The following PPM1K variants were observed in gnomAD, a reference collection of about 807,000 sequenced individuals.
The protein encoded by PPM1K is protein phosphatase Mn(2+)-dependent 1K.
Under a neutral mutation model 32.6 loss-of-function variants are expected in PPM1K, and 19 were observed. The ratio of observed to expected loss-of-function variants is 0.58; its 90% CI spans 0.41 to 0.86. PPM1K has a LOEUF of 0.86. Ranked by LOEUF, PPM1K falls within the 40% of genes least tolerant of loss-of-function variation. The pLI is 0.00. For missense variants in PPM1K, 362 were observed against 461.2 expected, an observed-to-expected ratio of 0.78 and a Z score of 1.97; for synonymous variants, 159 against 165.3, an observed-to-expected ratio of 0.96 and a Z score of 0.29.
rs1410004174 is a variant in PPM1K, at chr4:88,269,024, A to G, written c.542-118T>C. On this transcript the variant is annotated intron_variant, in intron 3 of 6. Transcript: ENST00000608933. ...AACTAATGCTGGAATATATCATTCT[A>G]ATTTAACTAGAGCTAAGCAAATAAA... The G allele has an allele frequency of 4.6e-5, 39 of 843,824 alleles. No individual in the cohort carries two copies. The East Asian group carries it at 1.0e-3, about 22-fold the overall frequency. The allele number at this position is 843,824 out of a possible 1,614,324, so 52.3% of individuals were successfully genotyped here.
At chr4:88,283,921 C>G (rs1732123656) in intron 1 of PPM1K, 1 of 152,384 alleles carries the variant, frequency 6.6e-6, no homozygotes, top group Non-Finnish European at 1.5e-5. Context: ...GCCGCCAGGT[C>G]TCCGCCTCCC....
At chr4:88,268,423 C>A (rs1212374633) in intron 4 of PPM1K, 89 bp from the exon 5 acceptor site, 10 of 1,443,178 alleles carry the variant, frequency 6.9e-6, no homozygotes, top group East Asian at 6.9e-5. Flanking sequence ...GAGATCGAGA[C>A]CATCCTGGCT....
At chr4:88,263,797 C>T (rs183657650) in intron 6 of PPM1K, among the ~76,000 whole-genome samples, 5 of 152,166 alleles carry the variant, frequency 3.3e-5, no homozygotes, top group Non-Finnish European at 5.9e-5. Context: ...CATCCTCCCT[C>T]ATAGCTGGGA....
At position 88,276,665 on chromosome 4, in the gene PPM1K, T is replaced by C. The variant is rs1250832624; in HGVS notation, c.541+478A>G. 4 of 985,156 alleles carry C rather than the reference T, an allele frequency of 4.1e-6. No homozygotes were observed. In the East Asian group the frequency reaches 4.5e-4, roughly 112 times the overall value. The allele number at this position is 985,156 out of a possible 1,614,324, so 61.0% of individuals were successfully genotyped here. On this transcript the variant is annotated intron_variant, in intron 3 of 6. Coordinates refer to ENST00000608933, the MANE Select transcript of PPM1K (RefSeq NM_152542.5). ...TATACAAATTAGTGCATATTAACCA[T>C]TGTCTTTTTCTATTTAGGACCTATT...
chr4:88,272,912 G>A (rs1266009643), intron 3 of PPM1K, among the ~76,000 whole-genome samples: 1 of 152,132 alleles, frequency 6.6e-6, no homozygotes, highest in East Asian at 1.9e-4. Context: ...AGGACATGCT[G>A]CGTCTGTGGT....
chr4:88,275,418 A>G lies in PPM1K; in HGVS notation c.541+1725T>C, dbSNP rs941091885. 3 of 983,856 alleles carry G rather than the reference A, an allele frequency of 3.0e-6. No individual in the cohort carries two copies. The African/African-American group carries it at 5.2e-5, about 17-fold the overall frequency. The allele number at this position is 983,856 out of a possible 1,614,324, so 60.9% of individuals were successfully genotyped here. ...GATAGGCAAGTTAATTAAATTCTTT[A>G]AGTTCAAAATTCTGTTGAGTTATAC... On this transcript the variant is annotated intron_variant, in intron 3 of 6. Transcript: ENST00000608933.
intron 3 of PPM1K, among the ~76,000 whole-genome samples, 197 bp from the exon 4 acceptor site, chr4:88,269,103 G>C (rs987633815): frequency 6.6e-6 from 1 of 152,222 alleles, no homozygotes; most frequent in Admixed American, 6.5e-5. Context: ...ATTTAATTCA[G>C]TAACAAGTCT....
In PPM1K at chr4:88,266,817, T is replaced by C. The variant is rs992964085; in HGVS notation, c.852+1373A>G. Among the ~76,000 whole-genome samples, 36 of 149,104 alleles carry C rather than the reference T, an allele frequency of 2.4e-4. 1 individual carries two copies. Among genetic ancestry groups the C allele is most frequent in the Admixed American group, 1.2e-3 (18 of 14,990 alleles). On this transcript the variant is annotated intron_variant, in intron 5 of 6. Coordinates refer to ENST00000608933, the MANE Select transcript of PPM1K (RefSeq NM_152542.5). ...CTGGATGACTGGGTGCAGGTGATGCTAGATGACTGGGTGCAGGCGATGTTG... is the reference window on the plus strand; with the variant it reads ...CTGGATGACTGGGTGCAGGTGATGCCAGATGACTGGGTGCAGGCGATGTTG...
intron 3 of PPM1K, chr4:88,276,488 A>G: frequency 1.0e-6 from 1 of 985,408 alleles, no homozygotes; most frequent in Middle Eastern, 5.2e-4. Flanking sequence ...TCAAAACCAG[A>G]AACATTTCAC....
intron 6 of PPM1K, 142 bp downstream of exon 6, chr4:88,264,859 G>T: frequency 1.2e-6 from 1 of 869,508 alleles, no homozygotes; most frequent in Admixed American, 2.9e-5. Flanking sequence ...ATTTTAACTT[G>T]GGGAAATAAA....
chr4:88,274,836 C>T (rs1731698818), intron 3 of PPM1K: 2 of 190,748 alleles, frequency 1.0e-5, no homozygotes, highest in South Asian at 3.6e-4. Flanking sequence ...CAATTTTTGC[C>T]ATCTTTGAAG....
chr4:88,275,530 T>C (rs1731730652), intron 3 of PPM1K: 1 of 985,288 alleles, frequency 1.0e-6, no homozygotes, highest in South Asian at 4.7e-5. Context: ...CTAGATACTT[T>C]TAAAAGAGGC....
Position 88,278,686 on chromosome 4 carries a change from G to A in PPM1K, c.-59-44C>T. The stretch of plus-strand genomic sequence containing the variant: ...AAGTCACAGGGGACAGAGGGAGAGA[G>A]GGGCAGAGGAGGAGAGGGAGAGAGA... On this transcript the variant is annotated intron_variant, in intron 1 of 6. Coordinates refer to ENST00000608933, the MANE Select transcript of PPM1K (RefSeq NM_152542.5). The surrounding 1 kb of genome is among the most constrained non-coding windows in gnomAD (Gnocchi z 4.2). The A allele has an allele frequency of 1.1e-6, 1 of 909,356 alleles. No individual in the cohort carries two copies. Among genetic ancestry groups the A allele is most frequent in the East Asian group, 2.6e-5 (1 of 38,262 alleles). The allele number at this position is 909,356 out of a possible 1,614,324, so 56.3% of individuals were successfully genotyped here.
At chr4:88,277,550 A>G (rs1291037761) in intron 2 of PPM1K, 3 of 261,842 alleles carry the variant, frequency 1.1e-5, no homozygotes, top group Non-Finnish European at 2.2e-5. Context: ...TGCGGTATAC[A>G]CAGGAAGTCA....
chr4:88,270,332 A>G (rs1175264944), intron 3 of PPM1K, among the ~76,000 whole-genome samples: 1 of 152,232 alleles, frequency 6.6e-6, no homozygotes, highest in Non-Finnish European at 1.5e-5. Flanking sequence ...CTTGAGAAAT[A>G]ACATTTATAG....
At chr4:88,277,857 A>C (rs1731845723) in intron 2 of PPM1K, 3 of 464,330 alleles carry the variant, frequency 6.5e-6, no homozygotes, top group Non-Finnish European at 1.2e-5. Context: ...AATGCTTCTC[A>C]TAGGTTATCT....
At chr4:88,277,017 C>T in intron 3 of PPM1K, 126 bp downstream of exon 3, 1 of 788,958 alleles carries the variant, frequency 1.3e-6, no homozygotes, top group African/African-American at 1.7e-5. Context: ...CTCATTTCTA[C>T]ATAAATCCTT....
intron 3 of PPM1K, chr4:88,275,696 T>C (rs764052077): frequency 4.1e-6 from 4 of 985,278 alleles, no homozygotes; most frequent in Non-Finnish European, 4.8e-6. Context: ...CATTGTGGTG[T>C]GAGACATAGC....
In PPM1K at chr4:88,268,503, C is replaced by T. The variant is rs62309980; in HGVS notation, c.708-169G>A. 5.8e-3 allele frequency among the ~76,000 whole-genome samples: 884 copies of T among 152,240 alleles called. 5 individuals carry two copies. The highest frequency in any genetic ancestry group is 0.011 in the Non-Finnish European group (739 of 68,026). ...GAGCGTGTTGGCAGGCGCCTGTAGT[C>T]CCAGCTACTCAGGAGGCTGAAGCAG... On this transcript the variant is annotated intron_variant, in intron 4 of 6. Coordinates refer to ENST00000608933, the MANE Select transcript of PPM1K (RefSeq NM_152542.5).
Sources: gnomAD v4.1 joint callset for allele counts (sites outside exome capture counted in the v4.1 genomes callset) on GRCh38, gnomAD v4.1.1 for gene constraint, Gnocchi (gnomAD v3.1) non-coding constraint, MANE v1.5 for transcripts, NCBI Gene and HGNC (gene_info 2026-07-23, HGNC 2026-07-21) for gene names.